Variants in FER1L5 observed in about 807,000 individuals in gnomAD.
FER1L5 encodes the protein fer-1 like family member 5, also known as fer-1-like protein 5.
In FER1L5, 187 loss-of-function variants were observed where a neutral mutation model predicts 279.9. The observed-to-expected ratio is 0.67, with a 90% confidence interval of 0.59 to 0.75. The LOEUF is 0.75. Among genes scored for constraint, FER1L5 ranks in the 30% least tolerant of loss-of-function variants. The pLI, the probability that FER1L5 is intolerant of heterozygous loss-of-function variation, is 0.00. For synonymous variants in FER1L5, 921 were observed against 989.7 expected (o/e 0.93, Z 1.30); for missense variants, 2,091 against 2,594.4 (o/e 0.81, Z 4.21).
Position 96,661,414 on chromosome 2 carries a change from GC to G in FER1L5, c.871del (p.Leu291SerfsTer8). On this transcript the variant is annotated frameshift_variant, in exon 11 of 53. Coordinates refer to ENST00000624922, the MANE Select transcript of FER1L5 (RefSeq NM_001293083.2). LOFTEE classifies it high-confidence loss of function. ...VTGYLKVTIYALGVGDQALID... is the reference protein window; with the variant it reads ...VTGYLKVTIYXLGVGDQALID... ...AGGCTACCTGAAAGTCACCATCTAT[GC>G]CCTCGGTGTGGGAGACCAGGCCCTG... The G allele has an allele frequency of 6.4e-7, 1 of 1,551,536 alleles. No individual in the cohort carries two copies. The highest frequency in any genetic ancestry group is 2.4e-5 in the East Asian group (1 of 40,918).
chr2:96,697,332 A>G (rs1414937438), intron 37 of FER1L5, among the ~76,000 whole-genome samples, 194 bp from the exon 38 acceptor site: 1 of 152,192 alleles, frequency 6.6e-6, no homozygotes, highest in Non-Finnish European at 1.5e-5. Context: ...ATGGGCAATG[A>G]GGACATTGAA....
chr2:96,667,420 T>C (rs1230334733), intron 14 of FER1L5, among the ~76,000 whole-genome samples: 1 of 151,438 alleles, frequency 6.6e-6, no homozygotes, highest in South Asian at 2.1e-4. Flanking sequence ...CGATCTCAGC[T>C]CACTGCAACC....
intron 7 of FER1L5, chr2:96,652,299 AT>A: frequency 2.3e-6 from 1 of 440,286 alleles, no homozygotes; most frequent in East Asian, 4.0e-5. Context: ...GAGTATTGCT[AT>A]TGGAGGTTCG....
chr2:96,665,303 C>T (rs1276357689), intron 14 of FER1L5, among the ~76,000 whole-genome samples: 1 of 152,160 alleles, frequency 6.6e-6, no homozygotes, highest in Non-Finnish European at 1.5e-5. Flanking sequence ...TAATGCGCTC[C>T]CCTTCTCCCT....
chr2:96,643,691 A>AGC (rs1327394768), intron 1 of FER1L5, among the ~76,000 whole-genome samples: 1 of 151,294 alleles, frequency 6.6e-6, no homozygotes, highest in African/African-American at 2.4e-5. Context: ...TGCTCCTCAC[A>AGC]GCAATTCCAG....
intron 1 of FER1L5, among the ~76,000 whole-genome samples, chr2:96,643,748 AG>A (rs2074987887): frequency 7.0e-6 from 1 of 142,330 alleles, no homozygotes. Flanking sequence ...TTTTTTTTTT[AG>A]GTAAGAGAAA....
intron 8 of FER1L5, chr2:96,653,953 T>C (rs979444684): frequency 1.2e-5 from 6 of 502,138 alleles, no homozygotes; most frequent in African/African-American, 1.2e-4. Flanking sequence ...CCCCTTCCCA[T>C]GTGCCAGGAT....
chr2:96,657,607 C>T (rs2075650265), intron 9 of FER1L5, among the ~76,000 whole-genome samples: 1 of 152,148 alleles, frequency 6.6e-6, no homozygotes, highest in Non-Finnish European at 1.5e-5. Context: ...CGCAGACAAC[C>T]ACTGATCTGC....
chr2:96,675,075 T>C (rs531187170), intron 19 of FER1L5, among the ~76,000 whole-genome samples: 185 of 152,360 alleles, frequency 1.2e-3, no homozygotes, highest in African/African-American at 4.4e-3. Context: ...TTCATCTGTC[T>C]TAAATCTTCT....
At chr2:96,685,537 G>A in intron 21 of FER1L5, 108 bp downstream of exon 21, 1 of 939,988 alleles carries the variant, frequency 1.1e-6, no homozygotes, top group East Asian at 2.7e-5. Context: ...TCCTCGGGGA[G>A]GAGCACTGCT....
intron 19 of FER1L5, 107 bp from the exon 20 acceptor site, chr2:96,684,220 C>A: frequency 1.4e-6 from 2 of 1,412,038 alleles, no homozygotes; most frequent in South Asian, 2.9e-5. Flanking sequence ...CAGGTCACAT[C>A]TTTGAGGGTG....
At position 96,689,915 on chromosome 2, in the gene FER1L5, C is replaced by T. The variant is rs1261130531; in HGVS notation, c.2640+157C>T. ...GCGCACCAGCCCTCAGGCACTCTCT[C>T]TCAGCACTGATGGGGTGAGGGGTTT... is the stretch of plus-strand genomic sequence containing the variant. On this transcript the variant is annotated intron_variant, in intron 26 of 52. Coordinates refer to ENST00000624922, the MANE Select transcript of FER1L5 (RefSeq NM_001293083.2). The surrounding 1 kb of genome is among the most constrained non-coding windows in gnomAD (Gnocchi z 4.6). Among the ~76,000 whole-genome samples the T allele has an allele frequency of 6.6e-6, 1 of 152,204 alleles. No homozygotes were observed. Among genetic ancestry groups the T allele is most frequent in the African/African-American group, 2.4e-5 (1 of 41,458 alleles).
At chr2:96,652,253 T>C (rs2075412887) in intron 7 of FER1L5, 1 of 561,688 alleles carries the variant, frequency 1.8e-6, no homozygotes, top group Non-Finnish European at 3.1e-6. Flanking sequence ...CCGTAAACAA[T>C]TACAACAGAG....
At chr2:96,674,970 C>T (rs2076459545) in intron 19 of FER1L5, among the ~76,000 whole-genome samples, 1 of 152,170 alleles carries the variant, frequency 6.6e-6, no homozygotes, top group Non-Finnish European at 1.5e-5. Context: ...TATTAATCAC[C>T]TTCTTGCTTT....
intron 10 of FER1L5, among the ~76,000 whole-genome samples, chr2:96,660,833 C>G (rs913963930): frequency 1.3e-5 from 2 of 152,244 alleles, no homozygotes; most frequent in African/African-American, 4.8e-5. Flanking sequence ...GGATTATAGG[C>G]ATGAGCCACC....
intron 18 of FER1L5, among the ~76,000 whole-genome samples, chr2:96,672,241 G>T (rs2076354851): frequency 6.6e-6 from 1 of 152,014 alleles, no homozygotes; most frequent in South Asian, 2.1e-4. Flanking sequence ...ACCACGCCCG[G>T]CTAATTTTGT....
Position 96,660,358 on chromosome 2 carries a change from C to G in FER1L5, c.765C>G (p.Ile255Met), listed in dbSNP as rs2075909786. Residue 255 changes from isoleucine (I) to methionine (M), a missense_variant, in exon 10 of 53, where the codon ATC becomes ATG. By Grantham distance (10) the Ile-to-Met change is conservative. Coordinates refer to ENST00000624922, the MANE Select transcript of FER1L5 (RefSeq NM_001293083.2). ...IGRFQTDIGF[I>M]YHSPGHTLLR... Reference sequence around the variant, plus strand: ...CTTTTCAGACAGATATTGGGTTTATCTACCATTCTCCAGGTAGGTAATACT... The same window carrying G: ...CTTTTCAGACAGATATTGGGTTTATGTACCATTCTCCAGGTAGGTAATACT... 2 of 1,551,648 alleles carry G rather than the reference C, an allele frequency of 1.3e-6. No individual in the cohort carries two copies. Among genetic ancestry groups the G allele is most frequent in the Non-Finnish European group, 1.7e-6 (2 of 1,146,956 alleles).
chr2:96,651,403 CTTCT>C (rs761310767), intron 6 of FER1L5, among the ~76,000 whole-genome samples: 116 of 141,610 alleles, frequency 8.2e-4, no homozygotes, highest in African/African-American at 2.3e-3. Flanking sequence ...TCCTCCCTCC[CTTCT>C]TTCTTTCTTT....
In FER1L5 at chr2:96,658,012, T is replaced by A. The variant is rs547398434; in HGVS notation, c.748-2329T>A. 1.3e-3 allele frequency among the ~76,000 whole-genome samples: 197 copies of A among 152,136 alleles called. 1 individual carries two copies. The highest frequency in any genetic ancestry group is 4.5e-3 in the African/African-American group (185 of 41,520). On this transcript the variant is annotated intron_variant, in intron 9 of 52. Transcript: ENST00000624922. ...TATGGTAGGTATATGTGGTATATGTTTAACTTTCTTTTTTTTTTTTTTGAG... is the reference window on the plus strand; with the variant it reads ...TATGGTAGGTATATGTGGTATATGTATAACTTTCTTTTTTTTTTTTTTGAG...
Sources: gnomAD v4.1 joint callset for allele counts (sites outside exome capture counted in the v4.1 genomes callset) on GRCh38, gnomAD v4.1.1 for gene constraint, Gnocchi (gnomAD v3.1) non-coding constraint, MANE v1.5 for transcripts, NCBI Gene and HGNC (gene_info 2026-07-23, HGNC 2026-07-21) for gene names.